The following SDK1 variants were observed in gnomAD, a reference collection of about 807,000 sequenced individuals.
SDK1 encodes sidekick cell adhesion molecule 1.
Under a neutral mutation model 245.5 loss-of-function variants are expected in SDK1, and 157 were observed. The observed-to-expected ratio is 0.64, with a 90% CI of 0.56 to 0.73. The LOEUF (loss-of-function observed/expected upper bound fraction) is 0.73. Among genes scored for constraint, SDK1 ranks in the 30% least tolerant of loss-of-function variants. SDK1 has a pLI of 0.00. For missense variants in SDK1, 3,583 were observed against 3,002.3 expected (o/e 1.19, Z -4.52); for synonymous variants, 1,647 against 1,278.5 (o/e 1.29, Z -6.15).
intron 4 of SDK1, among the ~76,000 whole-genome samples, chr7:3,778,149 C>A (rs142230871): frequency 2.6e-5 from 4 of 152,130 alleles, no homozygotes; most frequent in Non-Finnish European, 5.9e-5. Flanking sequence ...TTGTAGCAAC[C>A]AGTAGTGTAT....
intron 1 of SDK1, among the ~76,000 whole-genome samples, chr7:3,302,847 A>G (rs572150441): frequency 6.6e-6 from 1 of 152,312 alleles, no homozygotes; most frequent in South Asian, 2.1e-4. Context: ...AATCATGGTA[A>G]GGAACTCGAT....
At chr7:3,688,525 C>T (rs557291254) in intron 4 of SDK1, among the ~76,000 whole-genome samples, 8 of 152,284 alleles carry the variant, frequency 5.3e-5, no homozygotes, top group East Asian at 3.9e-4. Flanking sequence ...GCTTTGCTGC[C>T]GTTGTTAGTA....
chr7:3,944,648 A>T (rs182543293), intron 5 of SDK1, among the ~76,000 whole-genome samples: 1 of 152,350 alleles, frequency 6.6e-6, no homozygotes, highest in East Asian at 1.9e-4. Flanking sequence ...ACCTTTTGGT[A>T]GAAAAGCCAT....
chr7:3,961,902 C>T lies in SDK1; in HGVS notation c.1235-755C>T, dbSNP rs146731385. The stretch of plus-strand genomic sequence containing the variant: ...ACACATGTACACATATATGCAGGTG[C>T]ACATATACATACACAGATGTACACA... On this transcript the variant is annotated intron_variant, in intron 8 of 44. Coordinates refer to ENST00000404826, the MANE Select transcript of SDK1 (RefSeq NM_152744.4). Among the ~76,000 whole-genome samples, 9 of 152,164 alleles carry T rather than the reference C, an allele frequency of 5.9e-5. No individual in the cohort carries two copies. The South Asian group carries it at 1.0e-3, about 18-fold the overall frequency.
chr7:4,031,008 TACAC>T (rs1253516315), intron 17 of SDK1, among the ~76,000 whole-genome samples: 2 of 152,114 alleles, frequency 1.3e-5, no homozygotes, highest in African/African-American at 4.8e-5. Flanking sequence ...CCCCCATACA[TACAC>T]ATTCACATAC....
At chr7:3,401,904 C>T (rs957361331) in intron 1 of SDK1, among the ~76,000 whole-genome samples, 12 of 152,066 alleles carry the variant, frequency 7.9e-5, no homozygotes, top group Admixed American at 7.9e-4. Flanking sequence ...CAGTGCATGG[C>T]GTTTGCTAGG....
At chr7:3,916,180 G>C (rs1378891318) in intron 5 of SDK1, among the ~76,000 whole-genome samples, 1 of 152,176 alleles carries the variant, frequency 6.6e-6, no homozygotes, top group Non-Finnish European at 1.5e-5. Context: ...GAGGCAATGA[G>C]GCCAGTGGTC....
At chr7:4,154,085 A>G (rs1317504956) in intron 30 of SDK1, among the ~76,000 whole-genome samples, 1 of 152,234 alleles carries the variant, frequency 6.6e-6, no homozygotes, top group Non-Finnish European at 1.5e-5. Flanking sequence ...ATTTTATAAT[A>G]GAACCAAAAT....
intron 4 of SDK1, among the ~76,000 whole-genome samples, chr7:3,766,417 C>T (rs958789448): frequency 3.9e-5 from 6 of 152,066 alleles, no homozygotes; most frequent in African/African-American, 1.4e-4. Flanking sequence ...AGTTAGACTA[C>T]CTTGATTTTT....
At chr7:3,783,213 C>A (rs188599583) in intron 4 of SDK1, among the ~76,000 whole-genome samples, 2 of 152,246 alleles carry the variant, frequency 1.3e-5, no homozygotes, top group East Asian at 3.9e-4. Context: ...AAGGAGTGGA[C>A]TTCAACACAA....
intron 17 of SDK1, among the ~76,000 whole-genome samples, chr7:4,019,644 T>C (rs1786709729): frequency 6.6e-6 from 1 of 151,992 alleles, no homozygotes; most frequent in Non-Finnish European, 1.5e-5. Context: ...TGAACGTTAG[T>C]GGATAATGCT....
chr7:3,693,803 C>T (rs1223991780), intron 4 of SDK1, among the ~76,000 whole-genome samples: 1 of 152,150 alleles, frequency 6.6e-6, no homozygotes, highest in Non-Finnish European at 1.5e-5. Flanking sequence ...CCAGCCTAAT[C>T]TCTGCTATCC....
intron 13 of SDK1, among the ~76,000 whole-genome samples, chr7:3,977,286 A>G (rs1278665566): frequency 1.2e-5 from 1 of 80,972 alleles, no homozygotes; most frequent in Non-Finnish European, 2.4e-5. Context: ...ACGGTCCTCC[A>G]GAGAATCACT....
At chr7:3,616,977 T>A (rs990587872) in intron 1 of SDK1, among the ~76,000 whole-genome samples, 1 of 152,184 alleles carries the variant, frequency 6.6e-6, no homozygotes, top group Admixed American at 6.5e-5. Context: ...ATAGAATTGG[T>A]AGATTCTGGA....
intron 14 of SDK1, among the ~76,000 whole-genome samples, chr7:3,993,648 T>C (rs929352999): frequency 9.9e-5 from 15 of 152,202 alleles, no homozygotes; most frequent in African/African-American, 3.4e-4. Context: ...GTCCCACATA[T>C]GTTGAAAGCC....
intron 1 of SDK1, among the ~76,000 whole-genome samples, chr7:3,486,124 C>T (rs911520358): frequency 1.3e-5 from 2 of 151,710 alleles, no homozygotes; most frequent in African/African-American, 2.4e-5. Context: ...ATTTTGATTT[C>T]TTCTATGGTT....
At chr7:4,206,308 G>A (rs563458224) in intron 36 of SDK1, among the ~76,000 whole-genome samples, 7 of 152,296 alleles carry the variant, frequency 4.6e-5, no homozygotes, top group Middle Eastern at 3.4e-3. Context: ...GAACCCTTCC[G>A]TTTCCTGGGC....
At chr7:4,257,152 A>G (rs2128242403) in intron 44 of SDK1, among the ~76,000 whole-genome samples, 1 of 152,312 alleles carries the variant, frequency 6.6e-6, no homozygotes, top group South Asian at 2.1e-4. Flanking sequence ...TCCTGCTCCC[A>G]CCAGCTTAGA....
At chr7:3,654,984 A>G (rs1783116678) in intron 4 of SDK1, among the ~76,000 whole-genome samples, 1 of 151,694 alleles carries the variant, frequency 6.6e-6, no homozygotes, top group African/African-American at 2.4e-5. Context: ...ATTAAAATAC[A>G]GTTTTAATGA....
Sources: gnomAD v4.1 joint callset for allele counts (sites outside exome capture counted in the v4.1 genomes callset) on GRCh38, gnomAD v4.1.1 for gene constraint, MANE v1.5 for transcripts, NCBI Gene and HGNC (gene_info 2026-07-23, HGNC 2026-07-21) for gene names.